Variants in ASH1L observed in about 807,000 individuals in gnomAD.
The protein encoded by ASH1L is histone-lysine N-methyltransferase ASH1L.
ASH1L carries 23 observed loss-of-function variants against 269.0 expected under a neutral mutation model. The ratio of observed to expected loss-of-function variants is 0.09; its 90% confidence interval spans 0.06 to 0.12. The LOEUF is 0.12. Ranked by LOEUF, ASH1L falls within the 10% of genes least tolerant of loss-of-function variation. The pLI is 1.00. For missense variants in ASH1L, 2,912 were observed against 3,567.8 expected (o/e 0.82, Z 4.68); for synonymous variants, 1,187 against 1,253.5 (o/e 0.95, Z 1.12).
chr1:155,502,019 A>G (rs1176596212), intron 2 of ASH1L, among the ~76,000 whole-genome samples: 8 of 151,702 alleles, frequency 5.3e-5, no homozygotes, highest in Admixed American at 5.3e-4. Context: ...AAATGAGAGA[A>G]GAGGAAATAT....
chr1:155,525,584 C>T (rs1480425868), intron 1 of ASH1L, among the ~76,000 whole-genome samples: 1 of 149,762 alleles, frequency 6.7e-6, no homozygotes, highest in Non-Finnish European at 1.5e-5. Context: ...AAAAGAAAAA[C>T]GTGTAACACT....
chr1:155,542,629 AC>A (rs1358234872), intron 1 of ASH1L, among the ~76,000 whole-genome samples: 1 of 152,108 alleles, frequency 6.6e-6, no homozygotes, highest in African/African-American at 2.4e-5. Context: ...TATATTTTAA[AC>A]AAAAGAGCCA....
chr1:155,347,624 A>T (rs1653474597), intron 20 of ASH1L, 32 bp downstream of exon 20: 2 of 1,611,452 alleles, frequency 1.2e-6, no homozygotes, highest in Non-Finnish European at 1.7e-6. Context: ...GTTCATCAGG[A>T]CCAAGCTTCT....
intron 4 of ASH1L, among the ~76,000 whole-genome samples, chr1:155,441,403 A>T (rs1662552727): frequency 6.9e-6 from 1 of 144,062 alleles, no homozygotes; most frequent in South Asian, 2.3e-4. Context: ...GATCCTGCTG[A>T]GGTCACAGCC....
At chr1:155,427,165 C>T (rs982377942) in intron 5 of ASH1L, among the ~76,000 whole-genome samples, 2 of 142,734 alleles carry the variant, frequency 1.4e-5, no homozygotes, top group Non-Finnish European at 3.0e-5. Context: ...GACAGAGTCT[C>T]GCTCTGTCAC....
chr1:155,426,809 G>A (rs555046256), intron 5 of ASH1L, among the ~76,000 whole-genome samples: 1 of 152,244 alleles, frequency 6.6e-6, no homozygotes, highest in Non-Finnish European at 1.5e-5. Flanking sequence ...GTTCATCTGT[G>A]AGTTTAAGTA....
Position 155,445,943 on chromosome 1 carries a change from C to G in ASH1L, c.5087-6875G>C, listed in dbSNP as rs550394928. Among the ~76,000 whole-genome samples, 5 of 151,438 alleles carry G rather than the reference C, an allele frequency of 3.3e-5. No homozygotes were observed. The South Asian group carries it at 1.0e-3, about 32-fold the overall frequency. ...GGACAAGGTCTCACTGTTACCCACA[C>G]TGGTCTGAATCTCCTGGCCCCAAAT... On this transcript the variant is annotated intron_variant, in intron 4 of 27. Coordinates refer to ENST00000392403, the MANE Select transcript of ASH1L (RefSeq NM_018489.3).
intron 4 of ASH1L, among the ~76,000 whole-genome samples, chr1:155,449,648 T>A (rs1012530269): frequency 2.0e-5 from 3 of 151,768 alleles, no homozygotes; most frequent in African/African-American, 7.3e-5. Context: ...GCCTCCTGAG[T>A]AGCTGGGACT....
chr1:155,356,315 C>A lies in ASH1L; in HGVS notation c.7055+1001G>T, dbSNP rs539338004. Among the ~76,000 whole-genome samples, 37 of 152,198 alleles carry A rather than the reference C, an allele frequency of 2.4e-4. No homozygotes were observed. The South Asian group carries it at 7.5e-3, about 31-fold the overall frequency. On this transcript the variant is annotated intron_variant, in intron 15 of 27. Transcript: ENST00000392403. ...GAAGCCTATGGAACCATTCTCTGAA[C>A]AATTATTTTTAAATTACTTCAAAAA...
At chr1:155,364,161 G>A (rs1655209503) in intron 12 of ASH1L, among the ~76,000 whole-genome samples, 1 of 152,108 alleles carries the variant, frequency 6.6e-6, no homozygotes, top group African/African-American at 2.4e-5. Context: ...CGGGCAGGGT[G>A]GCATGCACCT....
intron 1 of ASH1L, among the ~76,000 whole-genome samples, chr1:155,526,261 CAAT>C (rs1445458934): frequency 6.6e-6 from 1 of 152,168 alleles, no homozygotes; most frequent in Non-Finnish European, 1.5e-5. Context: ...ACTTCTAATA[CAAT>C]GATTGGCATG....
chr1:155,439,143 A>G (rs947405212), intron 4 of ASH1L, 75 bp from the exon 5 acceptor site: 1 of 1,418,062 alleles, frequency 7.1e-7, no homozygotes, highest in Non-Finnish European at 9.5e-7. Context: ...TACACAGATA[A>G]AAGGGAGTAC....
chr1:155,338,037 C>T (rs1388477076), intron 27 of ASH1L, 52 bp downstream of exon 27: 8 of 1,548,878 alleles, frequency 5.2e-6, no homozygotes, highest in Non-Finnish European at 7.0e-6. Flanking sequence ...TTTCCATTCC[C>T]TCTCATTTCG....
rs1344062605 is a variant in ASH1L at position 155,480,084 on chromosome 1, T to C, written c.2786A>G (p.His929Arg). The C allele has an allele frequency of 6.2e-7, 1 of 1,614,054 alleles. No homozygotes were observed. Among genetic ancestry groups the C allele is most frequent in the Non-Finnish European group, 8.5e-7 (1 of 1,180,030 alleles). Reference protein sequence around the residue: ...PSKLESESDNHRSSSDFFESE... With the variant: ...PSKLESESDNRRSSSDFFESE... ...CTCAAAGAAATCACTGCTACTTCTA[T>C]GGTTGTCACTTTCAGATTCTAGCTT... Residue 929 changes from histidine to arginine, a missense_variant, in exon 3 of 28, where the codon CAT (histidine) becomes CGT (arginine). Around this residue, in one of 13 missense-constraint regions of ASH1L, gnomAD observed 715 missense variants for 721.0 expected, o/e 0.99. Coordinates refer to ENST00000392403, the MANE Select transcript of ASH1L (RefSeq NM_018489.3).
chr1:155,437,752 C>T (rs1662217565), intron 5 of ASH1L, among the ~76,000 whole-genome samples: 1 of 152,170 alleles, frequency 6.6e-6, no homozygotes, highest in Admixed American at 6.6e-5. Context: ...TCACAGAGCT[C>T]ATACATCTCT....
intron 1 of ASH1L, among the ~76,000 whole-genome samples, chr1:155,533,575 G>A (rs867500411): frequency 3.3e-5 from 5 of 151,738 alleles, no homozygotes; most frequent in Non-Finnish European, 7.4e-5. Context: ...TTGGCCAGGC[G>A]TGGTGGTGTG....
intron 10 of ASH1L, among the ~76,000 whole-genome samples, chr1:155,375,779 C>A (rs543931982): frequency 1.4e-5 from 2 of 147,434 alleles, no homozygotes; most frequent in Admixed American, 6.8e-5. Flanking sequence ...GCCTGGGCAA[C>A]GAGAATGAAA....
At chr1:155,439,140 A>G in intron 4 of ASH1L, 72 bp from the exon 5 acceptor site, 1 of 1,439,292 alleles carries the variant, frequency 6.9e-7, no homozygotes, top group Non-Finnish European at 9.4e-7. Flanking sequence ...TTTTACACAG[A>G]TAAAAGGGAG....
chr1:155,484,945 A>C lies in ASH1L; in HGVS notation c.421-2496T>G, dbSNP rs1448811154. ...CTCTGTCTCAAAAAAAAAAAAAAAC[A>C]AAAACAAAAACAAAAACAAAAACCA... On this transcript the variant is annotated intron_variant, in intron 2 of 27. Transcript: ENST00000392403. Among the ~76,000 whole-genome samples the C allele has an allele frequency of 3.4e-4, 25 of 73,014 alleles. 1 individual carries two copies. Among genetic ancestry groups the C allele is most frequent in the Admixed American group, 1.1e-3 (8 of 7,028 alleles). The allele number at this position is 73,014 out of a possible 152,430, so 47.9% of individuals were successfully genotyped here. A position where few individuals can be genotyped will look rare whatever the true frequency, so the allele number is the denominator to read the frequency against.
Sources: allele counts gnomAD v4.1 joint callset (sites outside exome capture counted in the v4.1 genomes callset), GRCh38; gene constraint gnomAD v4.1.1; regional missense constraint gnomAD v4.1.1; transcripts MANE v1.5; gene names NCBI Gene and HGNC (gene_info 2026-07-23, HGNC 2026-07-21).